The following BPTF variants were observed in gnomAD, a reference collection of about 807,000 sequenced individuals.
The protein encoded by BPTF is bromodomain PHD finger transcription factor.
Under a neutral mutation model 292.5 loss-of-function variants are expected in BPTF, and 18 were observed. That is an observed-to-expected ratio of 0.06 (90% CI 0.04 to 0.09). The LOEUF (loss-of-function observed/expected upper bound fraction) is 0.09, where lower values mean the gene tolerates loss of function less well. BPTF is among the 10% of genes least tolerant of loss of function. The pLI is 1.00. For synonymous variants in BPTF, 1,225 were observed against 1,251.9 expected (o/e 0.98, Z 0.45); for missense variants, 2,726 against 3,498.7 (o/e 0.78, Z 5.57).
intron 12 of BPTF, among the ~76,000 whole-genome samples, chr17:67,919,183 A>G (rs1241537049): frequency 1.3e-5 from 1 of 78,990 alleles, no homozygotes; most frequent in Non-Finnish European, 2.6e-5. Context: ...AAATAATAAT[A>G]ATAATAATAA....
chr17:67,918,177 C>G (rs1182382869), intron 11 of BPTF, among the ~76,000 whole-genome samples: 1 of 152,208 alleles, frequency 6.6e-6, no homozygotes, highest in African/African-American at 2.4e-5. Flanking sequence ...CTCAGGTGAT[C>G]TGCCCACCTC....
rs1177520549 is a variant in BPTF, at chr17:67,895,446, T to C, written c.2543+1281T>C. Among the ~76,000 whole-genome samples, 5 of 151,078 alleles carry C rather than the reference T, an allele frequency of 3.3e-5. No homozygotes were observed. The East Asian group carries it at 9.8e-4, about 30-fold the overall frequency. ...AGGTATGGCTCCCAGTTTTCTTTGG[T>C]GTTTCCACCACATACATTTTTTTTT... On this transcript the variant is annotated intron_variant, in intron 7 of 27. Transcript: ENST00000306378.
intron 5 of BPTF, 84 bp downstream of exon 5, chr17:67,892,118 T>G (rs1018801970): frequency 1.1e-6 from 1 of 932,770 alleles, no homozygotes; most frequent in African/African-American, 1.7e-5. Flanking sequence ...GGCTGGAAAT[T>G]TGTAGAAATT....
intron 13 of BPTF, among the ~76,000 whole-genome samples, chr17:67,921,904 C>T (rs976302750): frequency 2.0e-5 from 3 of 151,986 alleles, no homozygotes; most frequent in African/African-American, 7.2e-5. Context: ...TGGTATTACA[C>T]ACCTGTAGTC....
intron 15 of BPTF, among the ~76,000 whole-genome samples, chr17:67,926,201 C>A (rs1257037015): frequency 1.3e-5 from 2 of 150,370 alleles, no homozygotes; most frequent in Non-Finnish European, 3.0e-5. Context: ...AGAGATAGGA[C>A]TTTTGCCATA....
At chr17:67,857,782 C>CTTTTTTT (rs35999365) in intron 2 of BPTF, among the ~76,000 whole-genome samples, 3 of 103,472 alleles carry the variant, frequency 2.9e-5, no homozygotes, top group Non-Finnish European at 3.8e-5. Context: ...ATATTTCTTT[C>CTTTTTTT]TTTTTTTTTT....
chr17:67,923,465 C>G (rs1219362157), intron 14 of BPTF, among the ~76,000 whole-genome samples: 2 of 137,700 alleles, frequency 1.5e-5, no homozygotes, highest in Non-Finnish European at 3.1e-5. Flanking sequence ...GGTCCTCTCT[C>G]TCTGTCTTTT....
At chr17:67,834,854 T>A (rs755295349) in intron 1 of BPTF, among the ~76,000 whole-genome samples, 19 of 152,264 alleles carry the variant, frequency 1.2e-4, no homozygotes, top group Admixed American at 1.2e-3. Flanking sequence ...AGCCTGTGGA[T>A]TCTTTTCACG....
chr17:67,883,348 G>GTTAT (rs1404646965), intron 4 of BPTF, among the ~76,000 whole-genome samples: 6 of 152,038 alleles, frequency 3.9e-5, no homozygotes, highest in Non-Finnish European at 8.8e-5. Context: ...CCTTTGTGTA[G>GTTAT]TTATGCACAA....
intron 4 of BPTF, chr17:67,875,517 A>T: frequency 2.1e-6 from 3 of 1,417,474 alleles, no homozygotes; most frequent in South Asian, 1.8e-5. Flanking sequence ...AGCAATTTTA[A>T]AGAATATCTT....
Position 67,861,544 on chromosome 17 carries a change from G to GA in BPTF, c.1437-4919dup, listed in dbSNP as rs527659865. ...TTGGCCAGGCTGATATTGAACTCCTGACCTCAGGTGATCAGCCCACCTCAG... is the reference window on the plus strand; with the variant it reads ...TTGGCCAGGCTGATATTGAACTCCTGAACCTCAGGTGATCAGCCCACCTCAG... On this transcript the variant is annotated intron_variant, in intron 2 of 27. Coordinates refer to ENST00000306378, the MANE Select transcript of BPTF (RefSeq NM_182641.4). Among the ~76,000 whole-genome samples, 837 of 152,142 alleles carry GA rather than the reference G, an allele frequency of 5.5e-3. 4 individuals are homozygous for GA. The highest frequency in any genetic ancestry group is 7.7e-3 in the Non-Finnish European group (523 of 67,980).
intron 18 of BPTF, among the ~76,000 whole-genome samples, chr17:67,940,056 A>C (rs1159569465): frequency 2.1e-5 from 3 of 142,922 alleles, no homozygotes; most frequent in African/African-American, 7.5e-5. Flanking sequence ...CATATGAATT[A>C]ATTTTTTATT....
intron 2 of BPTF, among the ~76,000 whole-genome samples, chr17:67,865,705 A>G (rs902544086): frequency 3.9e-5 from 6 of 152,190 alleles, no homozygotes; most frequent in African/African-American, 1.2e-4. Flanking sequence ...GTGTTCCTCT[A>G]TGTCTAGTCC....
At chr17:67,851,144 G>A (rs1487375210) in intron 1 of BPTF, among the ~76,000 whole-genome samples, 1 of 152,146 alleles carries the variant, frequency 6.6e-6, no homozygotes, top group Non-Finnish European at 1.5e-5. Flanking sequence ...GTCTCATGAA[G>A]CTTCGGCAGA....
intron 2 of BPTF, among the ~76,000 whole-genome samples, chr17:67,865,052 C>G (rs945579146): frequency 6.6e-6 from 1 of 152,172 alleles, no homozygotes; most frequent in South Asian, 2.1e-4. Context: ...GTGATCCGCC[C>G]GCCTCAGCCT....
chr17:67,843,613 T>A (rs2057755137), intron 1 of BPTF, among the ~76,000 whole-genome samples: 1 of 149,488 alleles, frequency 6.7e-6, no homozygotes, highest in Non-Finnish European at 1.5e-5. Context: ...TGTATAAATA[T>A]CTGTATATAT....
At chr17:67,941,587 T>C (rs1568129467) in intron 19 of BPTF, among the ~76,000 whole-genome samples, 1 of 152,226 alleles carries the variant, frequency 6.6e-6, no homozygotes, top group African/African-American at 2.4e-5. Context: ...ACACTTGTTA[T>C]ATGACAAAGG....
At chr17:67,852,460 T>C (rs1005710149) in intron 1 of BPTF, among the ~76,000 whole-genome samples, 5 of 126,260 alleles carry the variant, frequency 4.0e-5, no homozygotes, top group African/African-American at 1.9e-4. Flanking sequence ...CCCCTTGCCC[T>C]CCTTTTTATT....
intron 19 of BPTF, among the ~76,000 whole-genome samples, chr17:67,943,234 TG>T (rs2065529392): frequency 6.6e-6 from 1 of 152,202 alleles, no homozygotes; most frequent in Non-Finnish European, 1.5e-5. Flanking sequence ...CTTGGTGTTT[TG>T]TGCATTTTGT....
Sources: allele counts gnomAD v4.1 joint callset (sites outside exome capture counted in the v4.1 genomes callset), GRCh38; gene constraint gnomAD v4.1.1; transcripts MANE v1.5; gene names NCBI Gene and HGNC (gene_info 2026-07-23, HGNC 2026-07-21).